The following LNX2 variants were observed in gnomAD, a reference collection of about 807,000 sequenced individuals.
LNX2 encodes ligand of Numb protein X 2.
In LNX2, 35 loss-of-function variants were observed where a neutral mutation model predicts 66.2. The observed-to-expected ratio is 0.53, with a 90% CI of 0.40 to 0.70. LNX2 has a LOEUF of 0.70. Ranked by LOEUF, LNX2 falls within the 30% of genes least tolerant of loss-of-function variation. The probability of loss-of-function intolerance (pLI) is 0.00; values close to 1 mark genes in which losing one functional copy is unlikely to be tolerated. For synonymous variants in LNX2, 337 were observed against 315.6 expected (o/e 1.07, Z -0.72); for missense variants, 791 against 850.8 (o/e 0.93, Z 0.87).
intron 8 of LNX2, among the ~76,000 whole-genome samples, chr13:27,551,864 C>A (rs756840454): frequency 6.6e-6 from 1 of 152,092 alleles, no homozygotes; most frequent in African/African-American, 2.4e-5. Context: ...CCCAGCAAAT[C>A]GCAGTGGAAG....
At chr13:27,576,108 A>G (rs1955337538) in intron 2 of LNX2, among the ~76,000 whole-genome samples, 1 of 152,244 alleles carries the variant, frequency 6.6e-6, no homozygotes. Context: ...AGACATAAAT[A>G]AAGCAAAAGA....
intron 1 of LNX2, among the ~76,000 whole-genome samples, chr13:27,615,205 TA>T (rs1955813687): frequency 6.6e-6 from 1 of 152,338 alleles, no homozygotes. Context: ...GGGGTTCCCA[TA>T]ACCCCTCTTT....
chr13:27,557,865 C>T (rs1189194201), intron 6 of LNX2, among the ~76,000 whole-genome samples: 3 of 152,014 alleles, frequency 2.0e-5, no homozygotes, highest in Non-Finnish European at 4.4e-5. Context: ...TTGTCAGCAG[C>T]CTTCAAAATT....
chr13:27,597,480 C>T (rs1200555613), intron 1 of LNX2, among the ~76,000 whole-genome samples: 2 of 152,104 alleles, frequency 1.3e-5, no homozygotes, highest in African/African-American at 4.8e-5. Context: ...AGTTGATGCA[C>T]TCTATGTGGG....
chr13:27,613,613 C>A (rs1955796162), intron 1 of LNX2, among the ~76,000 whole-genome samples: 1 of 151,862 alleles, frequency 6.6e-6, no homozygotes, highest in African/African-American at 2.4e-5. Context: ...ACTAAAAATA[C>A]AAAAATTATC....
intron 1 of LNX2, among the ~76,000 whole-genome samples, chr13:27,582,285 C>T (rs1364394623): frequency 1.3e-5 from 2 of 152,108 alleles, no homozygotes; most frequent in African/African-American, 2.4e-5. Flanking sequence ...ATCAGCCCTC[C>T]CAAAGTGCTA....
intron 1 of LNX2, among the ~76,000 whole-genome samples, chr13:27,609,082 T>TG (rs1247388062): frequency 6.6e-6 from 1 of 152,066 alleles, no homozygotes; most frequent in African/African-American, 2.4e-5. Context: ...CATAAGCCAC[T>TG]GCGCCTGGCC....
intron 7 of LNX2, among the ~76,000 whole-genome samples, chr13:27,553,947 A>G (rs922701474): frequency 1.3e-5 from 2 of 152,356 alleles, no homozygotes; most frequent in Middle Eastern, 3.4e-3. Flanking sequence ...CTGGGCCCAC[A>G]TGAAGAAATG....
At chr13:27,587,066 G>T (rs1955494970) in intron 1 of LNX2, among the ~76,000 whole-genome samples, 1 of 152,156 alleles carries the variant, frequency 6.6e-6, no homozygotes, top group Non-Finnish European at 1.5e-5. Context: ...TCCTGACTCA[G>T]ATTTAAAGGG....
Position 27,614,868 on chromosome 13 carries a change from A to G in LNX2, c.-101+5507T>C, listed in dbSNP as rs984261470. On this transcript the variant is annotated intron_variant, in intron 1 of 9. Transcript: ENST00000316334. ...TATTTCCCAGACTTACCTTACTTTT[A>G]TCTATAAAACAAAGTGATAGACAAC... 3.9e-5 allele frequency among the ~76,000 whole-genome samples: 6 copies of G among 152,130 alleles called. No individual in the cohort carries two copies. The East Asian group carries it at 1.2e-3, about 29-fold the overall frequency.
At position 27,550,406 on chromosome 13, in the gene LNX2, T is replaced by C; in HGVS notation, c.1864A>G (p.Asn622Asp). 6.2e-7 allele frequency: 1 copy of C among 1,613,946 alleles called. No individual in the cohort carries two copies. The highest frequency in any genetic ancestry group is 1.3e-5 in the African/African-American group (1 of 75,048). The change falls in exon 9 of 10, where the codon AAC becomes GAC. Residue 622 changes from asparagine (N) to aspartate (D), a missense_variant. Transcript: ENST00000316334. ...GFSIVGGYEENHTNQPFFIKT... is the reference protein window; with the variant it reads ...GFSIVGGYEEDHTNQPFFIKT... ...ATGAAAAAAGGCTGATTGGTGTGGTTCTCTTCATATCCACCAACGATACTA... is the reference window on the plus strand; with the variant it reads ...ATGAAAAAAGGCTGATTGGTGTGGTCCTCTTCATATCCACCAACGATACTA...
At chr13:27,608,265 T>A (rs1195444191) in intron 1 of LNX2, among the ~76,000 whole-genome samples, 1 of 152,262 alleles carries the variant, frequency 6.6e-6, no homozygotes, top group Non-Finnish European at 1.5e-5. Flanking sequence ...CACAACTCTA[T>A]GCTTTTGTCA....
Position 27,567,715 on chromosome 13 carries a change from A to T in LNX2, c.780T>A (p.Ile260=). ...VGGNETPLIN[I]VIQEVYRDGV... ...CATCCCGATAGACCTCCTGGATGAC[A>T]ATGTTAATCAAAGGTGTTTCGTTGC... The change falls in exon 4 of 10, where the codon ATT becomes ATA. Residue 260 remains isoleucine (I), a synonymous_variant. Coordinates refer to ENST00000316334, the MANE Select transcript of LNX2 (RefSeq NM_153371.4). 6.2e-7 allele frequency: 1 copy of T among 1,613,932 alleles called. No homozygotes were observed. The highest frequency in any genetic ancestry group is 8.5e-7 in the Non-Finnish European group (1 of 1,179,932).
chr13:27,561,706 AGT>A (rs1009398186), intron 5 of LNX2, among the ~76,000 whole-genome samples: 1 of 152,186 alleles, frequency 6.6e-6, no homozygotes, highest in Non-Finnish European at 1.5e-5. Context: ...TTTCCTTTAC[AGT>A]GTTTTGTTTT....
intron 1 of LNX2, among the ~76,000 whole-genome samples, chr13:27,588,242 T>C (rs1482295270): frequency 5.3e-5 from 8 of 152,202 alleles, no homozygotes; most frequent in Admixed American, 4.6e-4. Context: ...CTTTTATTTG[T>C]AGTAGCCAGA....
chr13:27,552,319 G>A (rs900086959), intron 8 of LNX2, among the ~76,000 whole-genome samples: 1 of 152,226 alleles, frequency 6.6e-6, no homozygotes, highest in Non-Finnish European at 1.5e-5. Context: ...GCCACTGCAC[G>A]AGTAGACCAC....
chr13:27,584,886 G>C (rs1283526218), intron 1 of LNX2, among the ~76,000 whole-genome samples: 1 of 151,968 alleles, frequency 6.6e-6, no homozygotes, highest in Non-Finnish European at 1.5e-5. Context: ...GGGAGGCTGA[G>C]GCAGGTAGAT....
At chr13:27,564,902 G>T (rs140866907) in intron 4 of LNX2, among the ~76,000 whole-genome samples, 2 of 152,124 alleles carry the variant, frequency 1.3e-5, no homozygotes, top group Non-Finnish European at 2.9e-5. Context: ...TGTGGGAAAG[G>T]GGGGTGGCTT....
In LNX2 at chr13:27,556,387, T is replaced by C. The variant is rs1768144509; in HGVS notation, c.1395A>G (p.Gln465=). ...HKDLTQCVTC[Q]EKHITVKKEP... is the part of the protein sequence containing the mutation. ...CCTTCTTTACAGTAATGTGTTTTTC[T>C]TGGCATGTAACACACTGAGTAAGAT... Residue 465 remains glutamine (Q), a synonymous_variant, in exon 7 of 10, where the codon CAA becomes CAG. Transcript: ENST00000316334. The C allele has an allele frequency of 1.2e-6, 2 of 1,613,878 alleles. No individual in the cohort carries two copies. Among genetic ancestry groups the C allele is most frequent in the South Asian group, 1.1e-5 (1 of 91,084 alleles).
Sources: gnomAD v4.1 joint callset for allele counts (sites outside exome capture counted in the v4.1 genomes callset) on GRCh38, gnomAD v4.1.1 for gene constraint, MANE v1.5 for transcripts, NCBI Gene and HGNC (gene_info 2026-07-23, HGNC 2026-07-21) for gene names.